Variants in CHEK2 observed in about 807,000 individuals in gnomAD.
CHEK2 encodes serine/threonine-protein kinase Chk2.
CHEK2 carries 71 observed loss-of-function variants against 69.1 expected under a neutral mutation model. That is an observed-to-expected ratio of 1.03 (90% CI 0.85 to 1.25). The LOEUF is 1.25. CHEK2 is among the 50% of genes most tolerant of loss of function. CHEK2 has a pLI of 0.00. For missense variants in CHEK2, 664 were observed against 649.6 expected, an observed-to-expected ratio of 1.02 and a Z score of -0.24; for synonymous variants, 189 against 226.9, an observed-to-expected ratio of 0.83 and a Z score of 1.50.
chr22:28,726,635 C>CAT (rs969974686), intron 2 of CHEK2, among the ~76,000 whole-genome samples: 48 of 147,152 alleles, frequency 3.3e-4, no homozygotes, highest in African/African-American at 8.8e-4. Flanking sequence ...CATACACATA[C>CAT]ATATATATAT....
chr22:28,688,686 G>A (rs1304118802), intron 14 of CHEK2, among the ~76,000 whole-genome samples: 2 of 151,844 alleles, frequency 1.3e-5, no homozygotes, highest in East Asian at 3.9e-4. Context: ...AAAAAATTGG[G>A]GGGAGGAAAC....
At chr22:28,689,644 C>A (rs1445818061) in intron 13 of CHEK2, among the ~76,000 whole-genome samples, 2 of 152,206 alleles carry the variant, frequency 1.3e-5, no homozygotes, top group African/African-American at 4.8e-5. Flanking sequence ...ACTGTCCTAA[C>A]AACCAGCCCA....
intron 1 of CHEK2, among the ~76,000 whole-genome samples, chr22:28,736,013 A>G (rs1382359986): frequency 6.6e-6 from 1 of 152,174 alleles, no homozygotes; most frequent in African/African-American, 2.4e-5. Flanking sequence ...CAGGTGTTTG[A>G]GACCCCACCT....
chr22:28,723,691 C>A (rs1332249644), intron 4 of CHEK2, among the ~76,000 whole-genome samples: 1 of 151,362 alleles, frequency 6.6e-6, no homozygotes, highest in African/African-American at 2.4e-5. Context: ...CACCTGTAAT[C>A]CCAGCACTTT....
chr22:28,702,629 C>T (rs1269006443), intron 8 of CHEK2, among the ~76,000 whole-genome samples: 5 of 150,648 alleles, frequency 3.3e-5, no homozygotes, highest in African/African-American at 1.2e-4. Context: ...TCACTGCAAC[C>T]TCTGCCTCCC....
At chr22:28,725,773 G>A (rs1398635386) in intron 2 of CHEK2, among the ~76,000 whole-genome samples, 2 of 152,132 alleles carry the variant, frequency 1.3e-5, no homozygotes, top group Non-Finnish European at 2.9e-5. Context: ...GCAGGGTGTG[G>A]TGGTGGGTCC....
chr22:28,708,529 G>T (rs2053257013), intron 7 of CHEK2, among the ~76,000 whole-genome samples: 1 of 151,946 alleles, frequency 6.6e-6, no homozygotes, highest in South Asian at 2.1e-4. Flanking sequence ...AGGTTTTCAG[G>T]TCCACTCACA....
chr22:28,693,996 T>A (rs746629538), intron 13 of CHEK2, 36 bp downstream of exon 13: 1 of 1,312,402 alleles, frequency 7.6e-7, no homozygotes, highest in African/African-American at 1.4e-5. Context: ...GGGCTTCCCA[T>A]GTATTTTATG....
chr22:28,721,740 A>T, intron 4 of CHEK2: 1 of 360,722 alleles, frequency 2.8e-6, no homozygotes, highest in South Asian at 2.2e-5. Context: ...AAATACATAT[A>T]ATTTTTTTGA....
intron 4 of CHEK2, among the ~76,000 whole-genome samples, chr22:28,721,281 G>T (rs1201948261): frequency 1.5e-4 from 17 of 109,940 alleles, no homozygotes; most frequent in South Asian, 3.2e-4. Flanking sequence ...GTTTGTTTGG[G>T]TTTTTTTTTT....
Position 28,712,013 on chromosome 22 carries a change from C to T in CHEK2, c.688G>A (p.Ala230Thr), listed in dbSNP as rs748636216. Reference protein sequence around the residue: ...YIMSKTLGSGACGEVKLAFER... With the variant: ...YIMSKTLGSGTCGEVKLAFER... ...AAAGCCAGCTTTACCTCTCCACAGG[C>T]ACCACTAGAGGGAAAAACAAAGATA... The change falls in exon 6 of 15, where the codon GCC (alanine) becomes ACC (threonine). Residue 230 changes from alanine to threonine, a missense_variant. Transcript: ENST00000404276. 1 of 1,610,290 alleles carries T rather than the reference C, an allele frequency of 6.2e-7. No individual in the cohort carries two copies. Among genetic ancestry groups the T allele is most frequent in the South Asian group, 1.1e-5 (1 of 90,996 alleles).
chr22:28,731,626 G>A (rs901670065), intron 2 of CHEK2, among the ~76,000 whole-genome samples: 2 of 151,968 alleles, frequency 1.3e-5, no homozygotes, highest in Non-Finnish European at 2.9e-5. Flanking sequence ...ATGATAAACA[G>A]TCTCTATTTA....
At chr22:28,707,830 CTT>C (rs11453597) in intron 7 of CHEK2, among the ~76,000 whole-genome samples, 3 of 102,456 alleles carry the variant, frequency 2.9e-5, no homozygotes, top group Non-Finnish European at 3.7e-5. Flanking sequence ...TTGTGTTTAT[CTT>C]TTTTTTTTTT....
intron 2 of CHEK2, among the ~76,000 whole-genome samples, chr22:28,730,789 A>G (rs2054192076): frequency 1.3e-5 from 2 of 151,956 alleles, no homozygotes; most frequent in Admixed American, 6.6e-5. Context: ...AACCGGGAGG[A>G]GGAGGTTGCG....
intron 7 of CHEK2, among the ~76,000 whole-genome samples, chr22:28,708,363 A>ATGTGTGTGTGTGTGTC (rs1555919269): frequency 1.1e-4 from 16 of 139,768 alleles, no homozygotes; most frequent in South Asian, 9.4e-4. Flanking sequence ...CTCTAAAAAT[A>ATGTGTGTGTGTGTGTC]TGTGTGTGTG....
At position 28,734,596 on chromosome 22, in the gene CHEK2, A is replaced by G. The variant is rs1601853112; in HGVS notation, c.126T>C (p.Ser42=). The G allele has an allele frequency of 1.2e-6, 2 of 1,614,022 alleles. No homozygotes were observed. The highest frequency in any genetic ancestry group is 2.2e-5 in the East Asian group (1 of 44,864). ...GGCTGGAGTTTGGCATCGTGCTGGT[A>G]GAGGAGCTGGATATGCCCTGGGACT... is the stretch of plus-strand genomic sequence containing the variant. ...SSQSQGISSS[S]TSTMPNSSQS... is the part of the protein sequence containing the mutation. Residue 42 remains serine, a synonymous_variant, in exon 2 of 15, where the codon TCT becomes TCC. Transcript: ENST00000404276.
intron 5 of CHEK2, among the ~76,000 whole-genome samples, chr22:28,714,216 C>A (rs1297350772): frequency 6.6e-6 from 1 of 152,196 alleles, no homozygotes; most frequent in African/African-American, 2.4e-5. Flanking sequence ...CACATCCTCA[C>A]CAACAGTTAC....
intron 4 of CHEK2, among the ~76,000 whole-genome samples, chr22:28,722,426 A>G (rs1451195049): frequency 2.6e-5 from 4 of 151,434 alleles, no homozygotes; most frequent in Admixed American, 2.0e-4. Flanking sequence ...TATAGTCCCA[A>G]CTACTTGGGA....
intron 12 of CHEK2, 124 bp from the exon 13 acceptor site, chr22:28,694,241 C>T: frequency 2.8e-6 from 2 of 725,442 alleles, no homozygotes; most frequent in Non-Finnish European, 5.0e-6. Context: ...ACGGAGTCAG[C>T]AGACAGGGCC....
Sources: allele counts gnomAD v4.1 joint callset (sites outside exome capture counted in the v4.1 genomes callset), GRCh38; gene constraint gnomAD v4.1.1; transcripts MANE v1.5; gene names NCBI Gene and HGNC (gene_info 2026-07-23, HGNC 2026-07-21).